DNAH14: variants seen among roughly 807,000 people sequenced by gnomAD.
DNAH14 encodes axonemal beta dynein heavy chain 14.
In DNAH14, 478 loss-of-function variants were observed where a neutral mutation model predicts 520.9. The observed-to-expected ratio is 0.92, with a 90% CI of 0.85 to 0.99. The LOEUF (loss-of-function observed/expected upper bound fraction) is 0.99. Ranked by LOEUF, DNAH14 falls within the 50% of genes least tolerant of loss-of-function variation. DNAH14 has a pLI of 0.00. For synonymous variants in DNAH14, 1,581 were observed against 1,757.2 expected (o/e 0.90, Z 2.51); for missense variants, 4,831 against 5,234.5 (o/e 0.92, Z 2.38).
chr1:224,986,134 A>T (rs767223740), intron 8 of DNAH14, among the ~76,000 whole-genome samples: 1 of 152,038 alleles, frequency 6.6e-6, no homozygotes, highest in Non-Finnish European at 1.5e-5. Flanking sequence ...CTGTAATAAA[A>T]AAAAGTCTCT....
intron 15 of DNAH14, among the ~76,000 whole-genome samples, chr1:225,048,283 A>G (rs1247359090): frequency 1.3e-5 from 2 of 152,072 alleles, no homozygotes; most frequent in Non-Finnish European, 2.9e-5. Flanking sequence ...GGTGGATCAC[A>G]TGAGCTCAGG....
At chr1:225,328,877 A>C (rs2094733266) in intron 64 of DNAH14, among the ~76,000 whole-genome samples, 1 of 152,208 alleles carries the variant, frequency 6.6e-6, no homozygotes, top group Non-Finnish European at 1.5e-5. Context: ...ATGAAAGTGC[A>C]AACAACCCAT....
Position 225,265,289 on chromosome 1 carries a change from G to A in DNAH14, c.7330G>A (p.Ala2444Thr), listed in dbSNP as rs1196910389. The change falls in exon 48 of 86, where the codon GCT becomes ACT. Residue 2444 changes from alanine (A) to threonine (T), a missense_variant. Ala to Thr is a moderately conservative substitution (Grantham distance 58). Transcript: ENST00000682510. ...STINFSTNVT[A>T]AKTKEMILKK... is the part of the protein sequence containing the mutation. ...AATAAATTTTAGCACCAATGTAACA[G>A]CTGCCAAAACCAAGGAGATGATTCT... The A allele has an allele frequency of 7.1e-6, 11 of 1,544,470 alleles. No individual in the cohort carries two copies. In the East Asian group the frequency reaches 1.7e-4, roughly 24 times the overall value.
intron 41 of DNAH14, among the ~76,000 whole-genome samples, chr1:225,218,858 TC>T (rs1196588088): frequency 6.6e-6 from 1 of 152,194 alleles, no homozygotes; most frequent in Non-Finnish European, 1.5e-5. Flanking sequence ...GAATATACAT[TC>T]TTCTCAGCAC....
chr1:225,369,863 C>G (rs1488733763), intron 77 of DNAH14, among the ~76,000 whole-genome samples: 1 of 152,078 alleles, frequency 6.6e-6, no homozygotes, highest in Non-Finnish European at 1.5e-5. Flanking sequence ...AAACATAACT[C>G]TAGATAACCT....
At chr1:225,242,547 G>A (rs548755399) in intron 43 of DNAH14, among the ~76,000 whole-genome samples, 28 of 152,134 alleles carry the variant, frequency 1.8e-4, no homozygotes, top group African/African-American at 6.5e-4. Context: ...GTTCTTCAGG[G>A]CAATAATACA....
chr1:225,354,118 C>T lies in DNAH14; in HGVS notation c.11619+230C>T, dbSNP rs893210443. The T allele has an allele frequency of 2.4e-5, 17 of 704,566 alleles. No homozygotes were observed. The East Asian group carries it at 2.7e-4, about 11-fold the overall frequency. 43.6% of individuals were successfully genotyped at this position (704,566 alleles called of 1,614,324 possible). A position where few individuals can be genotyped will look rare whatever the true frequency, so the allele number is the denominator to read the frequency against. ...TCCCTCTGTCCCCTCATTTATTCTC[C>T]CCCAGAAAGGAGGACTCATAGCCCT... On this transcript the variant is annotated intron_variant, in intron 73 of 85. Coordinates refer to ENST00000682510, the MANE Select transcript of DNAH14 (RefSeq NM_001367479.1).
chr1:224,964,536 G>A lies in DNAH14; in HGVS notation c.425G>A (p.Trp142Ter), dbSNP rs540129246. The A allele has an allele frequency of 6.8e-6, 11 of 1,610,340 alleles. No homozygotes were observed. In the East Asian group the frequency reaches 1.6e-4, roughly 23 times the overall value. Residue 142 changes from tryptophan (W) to a stop codon, truncating the protein, a stop_gained, in exon 5 of 86, where the codon TGG becomes TAG. Transcript: ENST00000682510. LOFTEE classifies it high-confidence loss of function. ...NIIRLREKLG[W>*]QTILPQHSLK... The stretch of plus-strand genomic sequence containing the variant: ...ATTAGGCTACGAGAAAAGCTTGGTT[G>A]GCAAACTATATTACCGCAGCACAGT...
In DNAH14 at chr1:225,290,020, A is replaced by T; in HGVS notation, c.8407A>T (p.Ile2803Phe). The T allele has an allele frequency of 6.5e-7, 1 of 1,536,294 alleles. No homozygotes were observed. Among genetic ancestry groups the T allele is most frequent in the African/African-American group, 1.4e-5 (1 of 72,862 alleles). The change falls in exon 55 of 86, where the codon ATT (isoleucine) becomes TTT (phenylalanine). Residue 2803 changes from isoleucine (I) to phenylalanine (F), a missense_variant. Transcript: ENST00000682510. The stretch of plus-strand genomic sequence containing the variant: ...CAAAGAAGTCTTTAAAAAGGTGTTT[A>T]TTCACGCAGGATTAAAAGGGAAACC... ...EFKEVFKKVF[I>F]HAGLKGKPTV...
At position 225,360,877 on chromosome 1, in the gene DNAH14, C is replaced by G. The variant is rs1191017126; in HGVS notation, c.11973C>G (p.Cys3991Trp). 6.4e-7 allele frequency: 1 copy of G among 1,551,652 alleles called. No homozygotes were observed. The highest frequency in any genetic ancestry group is 2.4e-5 in the East Asian group (1 of 40,908). The change falls in exon 75 of 86, where the codon TGC becomes TGG. Residue 3991 changes from cysteine (C) to tryptophan (W), a missense_variant. Cys to Trp is a radical substitution (Grantham distance 215). Coordinates refer to ENST00000682510, the MANE Select transcript of DNAH14 (RefSeq NM_001367479.1). ...CAACATCATTTATGCCAAGGCTTTGCACAATTGTAGAATCGTAAGAGTTTT... is the reference window on the plus strand; with the variant it reads ...CAACATCATTTATGCCAAGGCTTTGGACAATTGTAGAATCGTAAGAGTTTT... The part of the protein sequence containing the change: ...HLATSFMPRL[C>W]TIVESFNSPN...
intron 8 of DNAH14, among the ~76,000 whole-genome samples, chr1:224,998,534 T>C (rs760021880): frequency 2.2e-4 from 33 of 152,322 alleles, no homozygotes; most frequent in Non-Finnish European, 4.3e-4. Flanking sequence ...TTTGCAGTGT[T>C]TTGTTCAATT....
intron 36 of DNAH14, among the ~76,000 whole-genome samples, chr1:225,183,406 CA>C (rs2084278430): frequency 1.3e-5 from 2 of 152,162 alleles, no homozygotes; most frequent in Admixed American, 6.5e-5. Context: ...TAGGATGTGA[CA>C]AAAACAGTAT....
intron 5 of DNAH14, among the ~76,000 whole-genome samples, chr1:224,964,842 T>C (rs1480315081): frequency 1.3e-5 from 2 of 152,172 alleles, no homozygotes; most frequent in Non-Finnish European, 2.9e-5. Flanking sequence ...AAAATGTTTA[T>C]GTCTGTCACC....
At chr1:225,103,243 A>G (rs1034576794) in intron 23 of DNAH14, among the ~76,000 whole-genome samples, 7 of 152,038 alleles carry the variant, frequency 4.6e-5, no homozygotes, top group African/African-American at 7.2e-5. Flanking sequence ...TGTTCCATTG[A>G]TCTATATCTC....
intron 17 of DNAH14, among the ~76,000 whole-genome samples, chr1:225,054,423 T>G (rs1019130117): frequency 2.6e-5 from 4 of 152,278 alleles, no homozygotes; most frequent in Admixed American, 1.3e-4. Context: ...TGTCCGTTCT[T>G]CATTTAAACC....
chr1:225,140,759 C>G lies in DNAH14; in HGVS notation c.4255-9C>G. The G allele has an allele frequency of 1.3e-6, 2 of 1,504,148 alleles. No homozygotes were observed. The highest frequency in any genetic ancestry group is 1.2e-5 in the South Asian group (1 of 82,624). 93.2% of individuals were successfully genotyped at this position (1,504,148 alleles called of 1,614,324 possible). ...GAGATATATATATAACATTATCTTACTTTTTCAGAGCCAGATCATGTTTTA... is the reference window on the plus strand; with the variant it reads ...GAGATATATATATAACATTATCTTAGTTTTTCAGAGCCAGATCATGTTTTA... On this transcript the variant is annotated splice_polypyrimidine_tract_variant and intron_variant, in intron 27 of 85. Coordinates refer to ENST00000682510, the MANE Select transcript of DNAH14 (RefSeq NM_001367479.1).
intron 8 of DNAH14, among the ~76,000 whole-genome samples, chr1:224,977,193 A>G (rs1014287266): frequency 6.6e-6 from 1 of 152,146 alleles, no homozygotes; most frequent in Non-Finnish European, 1.5e-5. Context: ...TTGTAAGGAC[A>G]TGGATGAAGC....
intron 77 of DNAH14, among the ~76,000 whole-genome samples, chr1:225,373,014 A>C (rs2095636726): frequency 6.6e-6 from 1 of 152,142 alleles, no homozygotes; most frequent in Non-Finnish European, 1.5e-5. Context: ...AATTAAATAA[A>C]CCAACATTTC....
chr1:225,301,838 G>A (rs2094144697), intron 56 of DNAH14, among the ~76,000 whole-genome samples: 4 of 151,998 alleles, frequency 2.6e-5, no homozygotes, highest in Admixed American at 2.6e-4. Flanking sequence ...TGACTCCACA[G>A]TTGATAGAGA....
Sources: gnomAD v4.1 joint callset for allele counts (sites outside exome capture counted in the v4.1 genomes callset) on GRCh38, gnomAD v4.1.1 for gene constraint, MANE v1.5 for transcripts, NCBI Gene and HGNC (gene_info 2026-07-23, HGNC 2026-07-21) for gene names.